HPSE2: variants seen among roughly 807,000 people sequenced by gnomAD.
The protein encoded by HPSE2 is inactive heparanase-2.
Under a neutral mutation model 60.5 loss-of-function variants are expected in HPSE2, and 38 were observed. The observed-to-expected ratio is 0.63, with a 90% confidence interval of 0.48 to 0.82. The LOEUF is 0.82. Ranked by LOEUF, HPSE2 falls within the 40% of genes least tolerant of loss-of-function variation. The pLI is 0.00. For missense variants in HPSE2, 713 were observed against 740.4 expected, an observed-to-expected ratio of 0.96 and a Z score of 0.43; for synonymous variants, 295 against 293.2, an observed-to-expected ratio of 1.01 and a Z score of -0.06.
chr10:98,568,913 T>TTC (rs59649750), intron 9 of HPSE2, among the ~76,000 whole-genome samples: 130,672 of 151,952 alleles, frequency 0.86, 57,147 homozygotes, highest in East Asian at 1. Context: ...GGTTTGGGGT[T>TTC]TTTTTGGTGT....
intron 11 of HPSE2, among the ~76,000 whole-genome samples, chr10:98,478,253 C>A (rs1441804892): frequency 6.6e-6 from 1 of 152,058 alleles, no homozygotes; most frequent in Non-Finnish European, 1.5e-5. Context: ...AGGGAGGGAC[C>A]CACAGCTGGA....
At chr10:98,959,008 T>C (rs1328061253) in intron 3 of HPSE2, among the ~76,000 whole-genome samples, 1 of 151,912 alleles carries the variant, frequency 6.6e-6, no homozygotes, top group Admixed American at 6.6e-5. Flanking sequence ...TTTTAAAGAG[T>C]TGATGTTAAG....
intron 3 of HPSE2, among the ~76,000 whole-genome samples, chr10:98,994,943 T>C (rs567824679): frequency 1.4e-4 from 21 of 152,172 alleles, no homozygotes; most frequent in Non-Finnish European, 2.8e-4. Context: ...AACAGCACCT[T>C]TGGGCCAAGA....
At chr10:98,608,743 G>A (rs1945664777) in intron 9 of HPSE2, among the ~76,000 whole-genome samples, 1 of 152,120 alleles carries the variant, frequency 6.6e-6, no homozygotes, top group Admixed American at 6.5e-5. Flanking sequence ...CCTAATGGGA[G>A]CATTGGGTTT....
At chr10:98,953,490 C>T (rs1469311793) in intron 3 of HPSE2, among the ~76,000 whole-genome samples, 1 of 152,144 alleles carries the variant, frequency 6.6e-6, no homozygotes, top group African/African-American at 2.4e-5. Flanking sequence ...TAGGTCTGGT[C>T]CCTTCTACCC....
At chr10:98,769,679 C>T (rs553331558) in intron 3 of HPSE2, among the ~76,000 whole-genome samples, 8 of 152,136 alleles carry the variant, frequency 5.3e-5, no homozygotes, top group South Asian at 2.1e-4. Context: ...GAGCTAGCCT[C>T]GGAAGGAAGG....
At chr10:99,288,748 C>CAAA in the HPSE2 span, among the ~76,000 whole-genome samples, 211 of 75,688 alleles carry the variant, frequency 2.8e-3, 1 homozygote, top group African/African-American at 3.8e-3. Context: ...CAGCCTCAAG[C>CAAA]AAAAAAAAAA....
At chr10:98,626,923 A>T (rs373334282) in intron 7 of HPSE2, among the ~76,000 whole-genome samples, 2 of 151,922 alleles carry the variant, frequency 1.3e-5, no homozygotes, top group Admixed American at 6.6e-5. Context: ...ACAGGTGCCC[A>T]CCACCACGCC....
chr10:99,004,304 GT>G (rs1320080725), intron 3 of HPSE2, among the ~76,000 whole-genome samples: 1 of 151,402 alleles, frequency 6.6e-6, no homozygotes, highest in African/African-American at 2.4e-5. Context: ...TTCTTGTTTT[GT>G]TTTGTTTTGT....
chr10:99,315,547 G>A, the HPSE2 span, among the ~76,000 whole-genome samples: 1 of 152,168 alleles, frequency 6.6e-6, no homozygotes, highest in African/African-American at 2.4e-5. Context: ...AGGAGGAGAC[G>A]GACAGGTAGA....
intron 3 of HPSE2, among the ~76,000 whole-genome samples, chr10:98,880,958 G>C (rs963355211): frequency 6.6e-6 from 1 of 151,994 alleles, no homozygotes; most frequent in Non-Finnish European, 1.5e-5. Context: ...ACTATCAATG[G>C]GAAGTCTGCC....
intron 8 of HPSE2, 143 bp downstream of exon 8, chr10:98,620,459 A>C (rs1235262090): frequency 1.4e-6 from 1 of 703,396 alleles, no homozygotes; most frequent in Non-Finnish European, 2.6e-6. Context: ...TGAATGGTTT[A>C]AGACACACAT....
intron 3 of HPSE2, among the ~76,000 whole-genome samples, chr10:99,105,814 T>C (rs1278329644): frequency 3.3e-5 from 5 of 152,072 alleles, no homozygotes; most frequent in Non-Finnish European, 1.5e-5. Flanking sequence ...TCTGAGGTAA[T>C]GATCTAAATT....
chr10:98,737,876 A>G lies in HPSE2; in HGVS notation c.784+6007T>C, dbSNP rs192717910. On this transcript the variant is annotated intron_variant, in intron 4 of 11. Transcript: ENST00000370552. ...CCATACTCATGAATAGGAAGAATCA[A>G]TATTGTGAAAATGACCATACTGCCC... Among the ~76,000 whole-genome samples, 172 of 152,330 alleles carry G rather than the reference A, an allele frequency of 1.1e-3. 3 individuals are homozygous for G. Among genetic ancestry groups the G allele is most frequent in the African/African-American group, 3.8e-3 (160 of 41,578 alleles).
intron 3 of HPSE2, among the ~76,000 whole-genome samples, chr10:98,989,842 T>A (rs1243422601): frequency 6.6e-6 from 1 of 152,104 alleles, no homozygotes; most frequent in Non-Finnish European, 1.5e-5. Context: ...TCTTGGTATT[T>A]TCATTTAAAT....
At chr10:98,996,906 C>T (rs1003615789) in intron 3 of HPSE2, among the ~76,000 whole-genome samples, 2 of 152,098 alleles carry the variant, frequency 1.3e-5, no homozygotes, top group African/African-American at 4.8e-5. Flanking sequence ...AGGAAACTCT[C>T]TGGGAATGAT....
At chr10:99,132,237 GAGAGAGAA>G (rs1354940509) in intron 3 of HPSE2, among the ~76,000 whole-genome samples, 1 of 20,688 alleles carries the variant, frequency 4.8e-5, no homozygotes, top group African/African-American at 1.1e-4. Flanking sequence ...GAGAGAGAGA[GAGAGAGAA>G]AGAAAGAAAG....
intron 3 of HPSE2, among the ~76,000 whole-genome samples, chr10:98,921,709 C>A (rs1954286942): frequency 6.6e-6 from 1 of 152,178 alleles, no homozygotes; most frequent in Admixed American, 6.5e-5. Context: ...CTTCTCCTTT[C>A]ATATTCCCCA....
chr10:99,302,822 C>A, the HPSE2 span, among the ~76,000 whole-genome samples: 2 of 151,518 alleles, frequency 1.3e-5, no homozygotes, highest in East Asian at 3.9e-4. Context: ...GAAGACACCC[C>A]ATAGCCCCAC....
Sources: allele counts gnomAD v4.1 joint callset (sites outside exome capture counted in the v4.1 genomes callset), GRCh38; gene constraint gnomAD v4.1.1; transcripts MANE v1.5; gene names NCBI Gene and HGNC (gene_info 2026-07-23, HGNC 2026-07-21).